The following RBFOX3 variants were observed in gnomAD, a reference collection of about 807,000 sequenced individuals.
The protein encoded by RBFOX3 is RNA binding protein fox-1 homolog 3.
In RBFOX3, 17 loss-of-function variants were observed where a neutral mutation model predicts 48.7. That is an observed-to-expected ratio of 0.35 (90% CI 0.24 to 0.52). RBFOX3 has a LOEUF of 0.52. Among genes scored for constraint, RBFOX3 ranks in the 20% least tolerant of loss-of-function variants. The pLI, the probability that RBFOX3 is intolerant of heterozygous loss-of-function variation, is 0.94. For synonymous variants in RBFOX3, 212 were observed against 209.5 expected, an observed-to-expected ratio of 1.01 and a Z score of -0.10; for missense variants, 382 against 497.5, an observed-to-expected ratio of 0.77 and a Z score of 2.21.
At chr17:79,096,974 T>TGGGAGCAGAGA (rs1313120997) in intron 11 of RBFOX3, 141 bp from the exon 12 acceptor site, 82 of 598,460 alleles carry the variant, frequency 1.4e-4, no homozygotes, top group African/African-American at 1.9e-5. Flanking sequence ...CCCCAGGGAA[T>TGGGAGCAGAGA]GGGAGCAGAG....
intron 2 of RBFOX3, among the ~76,000 whole-genome samples, chr17:79,366,610 A>G (rs1598401651): frequency 6.6e-6 from 1 of 152,130 alleles, no homozygotes; most frequent in East Asian, 1.9e-4. Context: ...TGCCTTATTG[A>G]CCCTTCCATC....
chr17:79,101,296 G>A (rs1383578633), intron 9 of RBFOX3, among the ~76,000 whole-genome samples: 2 of 152,208 alleles, frequency 1.3e-5, no homozygotes, highest in Non-Finnish European at 2.9e-5. Context: ...TGGATCAGAA[G>A]CCTGCACGTG....
At chr17:79,620,058 CAT>C in the RBFOX3 span, among the ~76,000 whole-genome samples, 11 of 150,430 alleles carry the variant, frequency 7.3e-5, no homozygotes, top group Admixed American at 1.3e-4. Context: ...CACATGCACA[CAT>C]ATGTACATGC....
At chr17:79,413,211 G>A (rs553671723) in intron 2 of RBFOX3, among the ~76,000 whole-genome samples, 1 of 152,268 alleles carries the variant, frequency 6.6e-6, no homozygotes, top group Non-Finnish European at 1.5e-5. Flanking sequence ...GGGCAGGCCG[G>A]GGCACCCCTC....
At chr17:79,263,167 C>T (rs1035660084) in intron 3 of RBFOX3, among the ~76,000 whole-genome samples, 1 of 152,196 alleles carries the variant, frequency 6.6e-6, no homozygotes, top group Non-Finnish European at 1.5e-5. Flanking sequence ...TGGGGTACCC[C>T]CCCGGCTGTG....
intron 1 of RBFOX3, among the ~76,000 whole-genome samples, chr17:79,506,055 C>T (rs993783719): frequency 2.6e-5 from 4 of 152,190 alleles, no homozygotes; most frequent in Non-Finnish European, 4.4e-5. Context: ...TTATGGCAAA[C>T]GTTTTAAAGT....
intron 4 of RBFOX3, among the ~76,000 whole-genome samples, chr17:79,200,890 C>G (rs529988438): frequency 2.0e-5 from 3 of 152,040 alleles, no homozygotes; most frequent in African/African-American, 7.3e-5. Flanking sequence ...CCTTTCACCC[C>G]CTCCTGCGTC....
At chr17:79,623,299 A>C in the RBFOX3 span, among the ~76,000 whole-genome samples, 1 of 152,230 alleles carries the variant, frequency 6.6e-6, no homozygotes, top group African/African-American at 2.4e-5. Flanking sequence ...ACTGCTGCCC[A>C]CAGCCTGGGC....
intron 2 of RBFOX3, among the ~76,000 whole-genome samples, chr17:79,357,271 A>G (rs1011745303): frequency 6.6e-6 from 1 of 152,256 alleles, no homozygotes. Context: ...TAAGCTGCCC[A>G]AAAACGAAAC....
At chr17:79,546,311 C>T (rs900257014) in intron 1 of RBFOX3, among the ~76,000 whole-genome samples, 3 of 152,180 alleles carry the variant, frequency 2.0e-5, no homozygotes, top group Admixed American at 6.5e-5. Context: ...TTATGGAGCA[C>T]CAGCCAAGTG....
chr17:79,420,383 A>G (rs188705767), intron 2 of RBFOX3, among the ~76,000 whole-genome samples: 2 of 152,308 alleles, frequency 1.3e-5, no homozygotes, highest in East Asian at 3.9e-4. Flanking sequence ...GGGACTCCCA[A>G]TTAGAACGCC....
At chr17:79,478,858 T>C (rs1193760672) in intron 2 of RBFOX3, among the ~76,000 whole-genome samples, 4 of 152,198 alleles carry the variant, frequency 2.6e-5, no homozygotes, top group Non-Finnish European at 5.9e-5. Flanking sequence ...AAAACCCAAA[T>C]TGAATCCATA....
At chr17:79,149,127 G>A (rs189096480) in intron 4 of RBFOX3, among the ~76,000 whole-genome samples, 287 of 152,324 alleles carry the variant, frequency 1.9e-3, no homozygotes, top group African/African-American at 6.6e-3. Context: ...GGCTCCCGCA[G>A]CACCCAGGCT....
At chr17:79,338,747 C>T (rs1270194734) in intron 2 of RBFOX3, among the ~76,000 whole-genome samples, 1 of 152,142 alleles carries the variant, frequency 6.6e-6, no homozygotes, top group Non-Finnish European at 1.5e-5. Context: ...GGAGGAGAGG[C>T]GTGAGATGCA....
intron 1 of RBFOX3, among the ~76,000 whole-genome samples, chr17:79,597,205 C>T (rs2093592148): frequency 6.6e-6 from 1 of 152,234 alleles, no homozygotes; most frequent in South Asian, 2.1e-4. Context: ...CTGAGATCAC[C>T]TCCTGTCTTG....
In RBFOX3 at chr17:79,170,132, AGGAAGGAG is replaced by A. The variant is rs1195650502; in HGVS notation, c.-33-54392_-33-54385del. 5.7e-5 allele frequency among the ~76,000 whole-genome samples: 8 copies of A among 140,984 alleles called. No homozygotes were observed. In the East Asian group the frequency reaches 1.1e-3, roughly 19 times the overall value. 92.5% of individuals were successfully genotyped at this position (140,984 alleles called of 152,430 possible). ...AGGAGGAGGAAGGAAGGAAGGAAGG[AGGAAGGAG>A]GGAAGGAAGGAAGGGAGGAGGAAGG... On this transcript the variant is annotated intron_variant, in intron 4 of 14. Coordinates refer to ENST00000693108, the MANE Select transcript of RBFOX3 (RefSeq NM_001350451.2).
intron 4 of RBFOX3, among the ~76,000 whole-genome samples, chr17:79,135,347 C>T (rs754692864): frequency 1.3e-4 from 20 of 152,322 alleles, no homozygotes; most frequent in Non-Finnish European, 2.1e-4. Context: ...AAGTGCTGTC[C>T]TCTCATAAGG....
the RBFOX3 span, among the ~76,000 whole-genome samples, chr17:79,652,063 C>T: frequency 6.6e-6 from 1 of 152,118 alleles, no homozygotes; most frequent in East Asian, 2.0e-4. Flanking sequence ...CACCCCAAGC[C>T]AGAACCACCC....
intron 1 of RBFOX3, among the ~76,000 whole-genome samples, chr17:79,579,972 C>T (rs1479798661): frequency 6.7e-6 from 1 of 149,206 alleles, no homozygotes; most frequent in African/African-American, 2.5e-5. Flanking sequence ...GTCACTGGGT[C>T]GGGGAGTCAC....
Sources: allele counts gnomAD v4.1 joint callset (sites outside exome capture counted in the v4.1 genomes callset), GRCh38; gene constraint gnomAD v4.1.1; transcripts MANE v1.5; gene names NCBI Gene and HGNC (gene_info 2026-07-23, HGNC 2026-07-21).